NBPF20: variants seen among roughly 807,000 people sequenced by gnomAD.
The protein encoded by NBPF20 is NBPF member 20.
In NBPF20, 90 loss-of-function variants were observed where a neutral mutation model predicts 68.1. The ratio of observed to expected loss-of-function variants is 1.32; its 90% confidence interval spans 1.11 to 1.58. The LOEUF is 1.58. Ranked by LOEUF, NBPF20 falls within the 40% of genes most tolerant of loss-of-function variation. The probability of loss-of-function intolerance (pLI) is 0.00; values close to 1 mark genes in which losing one functional copy is unlikely to be tolerated. For missense variants in NBPF20, 816 were observed against 601.2 expected (o/e 1.36, Z -3.74); for synonymous variants, 290 against 228.1 (o/e 1.27, Z -2.45).
At chr1:145,409,540 G>A (rs1290603145), upstream of NBPF20, among the ~76,000 whole-genome samples, 2 of 147,440 alleles carry the variant, frequency 1.4e-5, no homozygotes, top group African/African-American at 5.0e-5. Flanking sequence ...ACGAAATAAC[G>A]AAGGCATTCT....
Position 145,292,690 on chromosome 1 carries a change from T to G in NBPF20, c.16589-201A>C, listed in dbSNP as rs587761720. On this transcript the variant is annotated intron_variant, in intron 136 of 137. Transcript: ENST00000369373. ...TCTCCCAGAAACTGTGGGTAAAATGTCCCTATTCTAGTAGATCGTTATCCC... is the reference window on the plus strand; with the variant it reads ...TCTCCCAGAAACTGTGGGTAAAATGGCCCTATTCTAGTAGATCGTTATCCC... Among the ~76,000 whole-genome samples, 18 of 145,876 alleles carry G rather than the reference T, an allele frequency of 1.2e-4. 1 individual carries two copies. In the East Asian group the frequency reaches 3.5e-3, roughly 29 times the overall value.
At chr1:145,395,052 G>A (rs1343737832) in exon 8 of NBPF20, 3 of 1,611,288 alleles carry the variant, frequency 1.9e-6, no homozygotes, top group African/African-American at 2.7e-5. Context: ...CTGGTACGAG[G>A]CCAACATTTC....
intron 3 of NBPF20, among the ~76,000 whole-genome samples, 165 bp downstream of exon 8, chr1:145,403,051 T>C (rs1553665847): frequency 1.3e-5 from 2 of 152,076 alleles, no homozygotes; most frequent in African/African-American, 4.8e-5. Flanking sequence ...TACATTTTTA[T>C]TATCCTTCTT....
Position 145,405,312 on chromosome 1 carries a change from G to A in NBPF20, c.-35-5C>T. 6.4e-7 allele frequency: 1 copy of A among 1,573,232 alleles called. No homozygotes were observed. ...CAGAAGAGGTGGAGTCAGGGACTGG[G>A]GAGAAGAAACCCAAACATATGATGG... On this transcript the variant is annotated splice_region_variant and splice_polypyrimidine_tract_variant and intron_variant, in intron 1 of 137. Transcript: ENST00000369373.
chr1:145,341,145 G>T (rs1661610692), intron 75 of NBPF20, among the ~76,000 whole-genome samples: 1 of 80,582 alleles, frequency 1.2e-5, no homozygotes. Context: ...GAGAGAGACA[G>T]AGACAGAGAG....
At chr1:145,395,597 G>T (rs1662190080) in intron 7 of NBPF20, among the ~76,000 whole-genome samples, 1 of 149,522 alleles carries the variant, frequency 6.7e-6, no homozygotes, top group East Asian at 1.9e-4. Context: ...TTCTTTTCTT[G>T]CAAAAATACT....
intron 6 of NBPF20, among the ~76,000 whole-genome samples, chr1:145,400,114 G>C (rs1249757778): frequency 6.6e-6 from 1 of 152,162 alleles, no homozygotes; most frequent in Non-Finnish European, 1.5e-5. Flanking sequence ...ATACTGAATC[G>C]AAGCTAGTAG....
rs1396248866 is a variant in NBPF20, at chr1:145,341,133, G to T, written c.9096-194C>A. On this transcript the variant is annotated intron_variant, in intron 75 of 137. Coordinates refer to ENST00000369373, the Ensembl canonical transcript of NBPF20. Reference sequence around the variant, plus strand: ...GAAAACAATGAAAGAGAAAGACAGAGAGAGAGAGACAGAGACAGAGAGAGA... The same window carrying T: ...GAAAACAATGAAAGAGAAAGACAGATAGAGAGAGACAGAGACAGAGAGAGA... Among the ~76,000 whole-genome samples the T allele has an allele frequency of 3.7e-5, 3 of 80,908 alleles. 1 individual carries two copies. Among genetic ancestry groups the T allele is most frequent in the African/African-American group, 1.2e-4 (3 of 24,076 alleles). The allele number at this position is 80,908 out of a possible 152,430, so 53.1% of individuals were successfully genotyped here.
chr1:145,422,950 G>A, the NBPF20 span, among the ~76,000 whole-genome samples: 4 of 138,660 alleles, frequency 2.9e-5, no homozygotes, highest in Non-Finnish European at 3.1e-5. Context: ...ATCCTGCCAC[G>A]GCACTCTAGC....
chr1:145,397,565 A>C (rs1461055124), intron 7 of NBPF20, among the ~76,000 whole-genome samples: 2 of 152,238 alleles, frequency 1.3e-5, no homozygotes, highest in Non-Finnish European at 2.9e-5. Flanking sequence ...GGCCTGCCTT[A>C]CAAGAGCTCC....
upstream of NBPF20, among the ~76,000 whole-genome samples, chr1:145,410,347 C>T (rs1451638519): frequency 1.3e-5 from 2 of 149,306 alleles, no homozygotes; most frequent in Non-Finnish European, 3.0e-5. Flanking sequence ...CGGAGTCTCG[C>T]TCTGTCGCCC....
intron 118 of NBPF20, among the ~76,000 whole-genome samples, chr1:145,307,204 A>G (rs1661423021): frequency 3.3e-5 from 1 of 30,064 alleles, no homozygotes; most frequent in Non-Finnish European, 5.2e-5. Context: ...TAGTTCTGTG[A>G]ATTTTTTACA....
chr1:145,417,668 T>A, the NBPF20 span, among the ~76,000 whole-genome samples: 2 of 125,894 alleles, frequency 1.6e-5, no homozygotes. Flanking sequence ...ACCTCATTAA[T>A]AAGATATACA....
chr1:145,393,685 A>G, intron 9 of NBPF20, 199 bp downstream of exon 14: 2 of 1,413,494 alleles, frequency 1.4e-6, no homozygotes, highest in Non-Finnish European at 1.9e-6. Flanking sequence ...AACTTTCACT[A>G]GGTTAGTAAA....
intron 2 of NBPF20, among the ~76,000 whole-genome samples, chr1:145,404,700 G>A (rs1186993720): frequency 1.3e-5 from 2 of 152,042 alleles, no homozygotes; most frequent in Non-Finnish European, 2.9e-5. Flanking sequence ...TTGCCTGTTG[G>A]GCCTCAACAG....
At chr1:145,397,417 C>T (rs1238319713) in intron 7 of NBPF20, among the ~76,000 whole-genome samples, 4 of 152,164 alleles carry the variant, frequency 2.6e-5, no homozygotes, top group African/African-American at 4.8e-5. Flanking sequence ...TCTCCACATC[C>T]TCTCCAGCAT....
At chr1:145,395,851 A>G (rs553266) in intron 7 of NBPF20, among the ~76,000 whole-genome samples, 8 of 146,384 alleles carry the variant, frequency 5.5e-5, no homozygotes, top group African/African-American at 1.9e-4. Flanking sequence ...TCTGTAGGTC[A>G]CCATCATCAA....
At chr1:145,396,785 A>C in intron 7 of NBPF20, among the ~76,000 whole-genome samples, 1 of 149,912 alleles carries the variant, frequency 6.7e-6, no homozygotes, top group Non-Finnish European at 1.5e-5. Context: ...GATATATATA[A>C]TACTTTAAGT....
the NBPF20 span, among the ~76,000 whole-genome samples, chr1:145,417,792 G>A: frequency 3.5e-5 from 5 of 141,814 alleles, no homozygotes; most frequent in South Asian, 2.4e-4. Flanking sequence ...AACACAAAAC[G>A]GTGAACACAC....
Sources: gnomAD v4.1 joint callset for allele counts (sites outside exome capture counted in the v4.1 genomes callset) on GRCh38, gnomAD v4.1.1 for gene constraint, MANE v1.5 for transcripts, NCBI Gene and HGNC (gene_info 2026-07-23, HGNC 2026-07-21) for gene names.